GSAP: variants seen among roughly 807,000 people sequenced by gnomAD.
The protein encoded by GSAP is gamma-secretase-activating protein.
A neutral mutation model predicts 131.7 loss-of-function variants in GSAP; 118 were observed. That is an observed-to-expected ratio of 0.90 (90% confidence interval 0.77 to 1.04). GSAP has a LOEUF of 1.04. Among genes scored for constraint, GSAP ranks in the 50% least tolerant of loss-of-function variants. The pLI, the probability that GSAP is intolerant of heterozygous loss-of-function variation, is 0.00. For synonymous variants in GSAP, 381 were observed against 363.4 expected (o/e 1.05, Z -0.55); for missense variants, 1,019 against 1,013.2 (o/e 1.01, Z -0.08).
At chr7:77,354,185 ATAT>A (rs879789629) in intron 16 of GSAP, among the ~76,000 whole-genome samples, 1 of 152,200 alleles carries the variant, frequency 6.6e-6, no homozygotes, top group African/African-American at 2.4e-5. Flanking sequence ...GCACTGACAG[ATAT>A]TATAAGGCAC....
In GSAP at chr7:77,366,581, T is replaced by C. The variant is rs929203517; in HGVS notation, c.872-3921A>G. 4.6e-5 allele frequency among the ~76,000 whole-genome samples: 7 copies of C among 152,354 alleles called. No homozygotes were observed. In the South Asian group the frequency reaches 1.4e-3, roughly 32 times the overall value. ...TTTCTGGGTTCGCTATTCCATTCTA[T>C]TGGTCTATGTGCCTGTTTTGGTAAC... On this transcript the variant is annotated intron_variant, in intron 12 of 30. Transcript: ENST00000257626.
chr7:77,321,533 A>G, intron 24 of GSAP, 130 bp from the exon 25 acceptor site: 1 of 655,786 alleles, frequency 1.5e-6, no homozygotes, highest in Non-Finnish European at 2.8e-6. Context: ...ACACACAACT[A>G]GCCTTTCTGA....
At chr7:77,350,428 A>T (rs888087141) in intron 18 of GSAP, among the ~76,000 whole-genome samples, 1 of 130,806 alleles carries the variant, frequency 7.6e-6, no homozygotes, top group Non-Finnish European at 1.7e-5. Context: ...TATAATAATT[A>T]AAAAAAAAAA....
rs1333509458 is a variant in GSAP, at chr7:77,353,646, A to G, written c.1339-5T>C. Reference sequence around the variant, plus strand: ...CTCAGAAATCCACTGAATAATCTTTAAAAAGTCAGACAGAACTCTGTTGGT... The same window carrying G: ...CTCAGAAATCCACTGAATAATCTTTGAAAAGTCAGACAGAACTCTGTTGGT... On this transcript the variant is annotated splice_polypyrimidine_tract_variant and splice_region_variant and intron_variant, in intron 16 of 30. Transcript: ENST00000257626. 1 of 1,590,948 alleles carries G rather than the reference A, an allele frequency of 6.3e-7. No individual in the cohort carries two copies. The highest frequency in any genetic ancestry group is 1.7e-5 in the Admixed American group (1 of 59,786).
rs746369246 is a variant in GSAP at position 77,353,684 on chromosome 7, T to A, written c.1339-43A>T. On this transcript the variant is annotated intron_variant, in intron 16 of 30. Coordinates refer to ENST00000257626, the MANE Select transcript of GSAP (RefSeq NM_017439.4). Reference sequence around the variant, plus strand: ...GAACTCTGTTGGTATTTAAATCTGCTCTCTGCCTCCACTACCAAAGAAGTA... The same window carrying A: ...GAACTCTGTTGGTATTTAAATCTGCACTCTGCCTCCACTACCAAAGAAGTA... 6.6e-6 allele frequency: 8 copies of A among 1,212,026 alleles called. No individual in the cohort carries two copies. The Admixed American group carries it at 1.2e-4, about 19-fold the overall frequency. 75.1% of individuals were successfully genotyped at this position (1,212,026 alleles called of 1,614,324 possible). A position where few individuals can be genotyped will look rare whatever the true frequency, so the allele number is the denominator to read the frequency against.
At chr7:77,313,778 G>A (rs1190703230) in intron 27 of GSAP, among the ~76,000 whole-genome samples, 2 of 152,204 alleles carry the variant, frequency 1.3e-5, no homozygotes, top group Non-Finnish European at 2.9e-5. Context: ...ACTTAAAACA[G>A]AAGGTACCTT....
chr7:77,406,508 C>T (rs1363806526), intron 1 of GSAP, among the ~76,000 whole-genome samples: 1 of 152,194 alleles, frequency 6.6e-6, no homozygotes, highest in Non-Finnish European at 1.5e-5. Flanking sequence ...ATTGTTATAG[C>T]CTCCTGTAGA....
chr7:77,329,523 T>C, intron 20 of GSAP, 132 bp from the exon 21 acceptor site: 1 of 427,856 alleles, frequency 2.3e-6, no homozygotes, highest in African/African-American at 2.1e-5. Context: ...TCAGAACACC[T>C]AGATTTTTTT....
At chr7:77,321,167 C>T (rs1490882311) in intron 25 of GSAP, among the ~76,000 whole-genome samples, 166 bp downstream of exon 25, 2 of 152,122 alleles carry the variant, frequency 1.3e-5, no homozygotes, top group Non-Finnish European at 2.9e-5. Flanking sequence ...TTAAAGGGTA[C>T]ATATGCAGGG....
chr7:77,336,633 C>T (rs555379755), intron 19 of GSAP, among the ~76,000 whole-genome samples: 9 of 152,056 alleles, frequency 5.9e-5, no homozygotes, highest in Admixed American at 1.3e-4. Flanking sequence ...GGACTACAGG[C>T]GCCTGCCACC....
At chr7:77,379,742 T>A (rs565615216) in intron 8 of GSAP, 116 of 317,526 alleles carry the variant, frequency 3.7e-4, no homozygotes, top group African/African-American at 2.5e-3. Context: ...GACCCTCTTC[T>A]GACTCCTGGC....
intron 8 of GSAP, among the ~76,000 whole-genome samples, chr7:77,378,347 G>A (rs1174861603): frequency 6.6e-6 from 1 of 152,046 alleles, no homozygotes; most frequent in Non-Finnish European, 1.5e-5. Context: ...AGCCAGGCAT[G>A]GTGGTGCATG....
chr7:77,385,841 G>T (rs1486351066), intron 6 of GSAP, among the ~76,000 whole-genome samples: 1 of 152,140 alleles, frequency 6.6e-6, no homozygotes, highest in Non-Finnish European at 1.5e-5. Context: ...ATAGCTTGGG[G>T]GACAAAAAGG....
intron 19 of GSAP, among the ~76,000 whole-genome samples, chr7:77,333,894 T>C (rs1789545782): frequency 6.6e-6 from 1 of 152,100 alleles, no homozygotes; most frequent in Non-Finnish European, 1.5e-5. Flanking sequence ...CACTATGCTC[T>C]AGGATGAGAC....
chr7:77,389,379 TAAA>T (rs200796440), intron 5 of GSAP, among the ~76,000 whole-genome samples: 2 of 142,568 alleles, frequency 1.4e-5, no homozygotes, highest in Non-Finnish European at 3.1e-5. Context: ...TCTACAAAAA[TAAA>T]AAAAAAAACG....
Position 77,376,879 on chromosome 7 carries a change from TG to T in GSAP, c.709del (p.Gln237SerfsTer10). ...GTTATAGCTCTCATCAGCATAAAAC[TG>T]GATACATTTTAAGATACTCCTTGAT... The part of the protein sequence containing the change: ...KKSRSILKCI[Q>X]FYADESYNLM... On this transcript the variant is annotated frameshift_variant, in exon 10 of 31. Transcript: ENST00000257626. LOFTEE classifies it high-confidence loss of function. 2 of 1,495,426 alleles carry T rather than the reference TG, an allele frequency of 1.3e-6. No individual in the cohort carries two copies. The highest frequency in any genetic ancestry group is 1.2e-5 in the South Asian group (1 of 82,298). The allele number at this position is 1,495,426 out of a possible 1,614,324, so 92.6% of individuals were successfully genotyped here. A position where few individuals can be genotyped will look rare whatever the true frequency, so the allele number is the denominator to read the frequency against.
Position 77,349,344 on chromosome 7 carries a change from G to A in GSAP, c.1545+7C>T, listed in dbSNP as rs1280394766. On this transcript the variant is annotated splice_region_variant and intron_variant, in intron 19 of 30. Coordinates refer to ENST00000257626, the MANE Select transcript of GSAP (RefSeq NM_017439.4). ...TGTACTTTTGTTTCTTGCTGTAAGG[G>A]ACCTACCTTCATAAGAGGCAATGCA... 6.3e-7 allele frequency: 1 copy of A among 1,599,610 alleles called. No individual in the cohort carries two copies. The highest frequency in any genetic ancestry group is 1.3e-5 in the African/African-American group (1 of 74,592).
intron 19 of GSAP, among the ~76,000 whole-genome samples, chr7:77,345,330 C>T (rs946897402): frequency 6.6e-6 from 1 of 152,102 alleles, no homozygotes; most frequent in African/African-American, 2.4e-5. Context: ...TAATCCTGCT[C>T]GAAGCAGCCC....
At chr7:77,368,905 T>C (rs1451023076) in intron 12 of GSAP, among the ~76,000 whole-genome samples, 1 of 152,192 alleles carries the variant, frequency 6.6e-6, no homozygotes, top group Non-Finnish European at 1.5e-5. Context: ...TGGGGAAGCA[T>C]GCTCTTAAGG....
Sources: gnomAD v4.1 joint callset for allele counts (sites outside exome capture counted in the v4.1 genomes callset) on GRCh38, gnomAD v4.1.1 for gene constraint, MANE v1.5 for transcripts, NCBI Gene and HGNC (gene_info 2026-07-23, HGNC 2026-07-21) for gene names.